Variants in ABLIM2 observed in about 807,000 individuals in gnomAD.
ABLIM2 encodes the protein actin-binding LIM protein 2.
Under a neutral mutation model 97.7 loss-of-function variants are expected in ABLIM2, and 53 were observed. That is an observed-to-expected ratio of 0.54 (90% CI 0.44 to 0.68). The LOEUF is 0.68. ABLIM2 is among the 30% of genes least tolerant of loss of function. The pLI is 0.00. For synonymous variants in ABLIM2, 361 were observed against 345.8 expected (o/e 1.04, Z -0.49); for missense variants, 835 against 867.2 (o/e 0.96, Z 0.47).
chr4:8,045,318 AC>A, intron 8 of ABLIM2, 77 bp from the exon 9 acceptor site: 1 of 1,319,570 alleles, frequency 7.6e-7, no homozygotes, highest in Non-Finnish European at 1.1e-6. Context: ...CAGGAGTTCC[AC>A]TCCAGCAGCC....
rs576149966 is a variant in ABLIM2 at position 8,155,178 on chromosome 4, G to C, written c.10+3502C>G. On this transcript the variant is annotated intron_variant, in intron 1 of 20. Coordinates refer to ENST00000447017, the MANE Select transcript of ABLIM2 (RefSeq NM_001130083.2). The surrounding 1 kb of genome is among the most constrained non-coding windows in gnomAD (Gnocchi z 4.2). Reference sequence around the variant, plus strand: ...TCTTTGCTGAATAACGAGTGAGTGAGATGGAACAGATGGCTCATATTCCAT... The same window carrying C: ...TCTTTGCTGAATAACGAGTGAGTGACATGGAACAGATGGCTCATATTCCAT... Among the ~76,000 whole-genome samples, 6 of 152,354 alleles carry C rather than the reference G, an allele frequency of 3.9e-5. No homozygotes were observed. In the East Asian group the frequency reaches 1.2e-3, roughly 29 times the overall value.
Position 8,120,759 on chromosome 4 carries a change from T to A in ABLIM2, c.11-14122A>T, listed in dbSNP as rs1845048942. ...GCTCGTGACATCACTAAGTTGAGAC[T>A]TCACTGACTTCACCTAACCTAGCGA... On this transcript the variant is annotated intron_variant, in intron 1 of 20. Transcript: ENST00000447017. This position sits in a 1 kb window ranked among gnomAD's most constrained non-coding sequence, Gnocchi z 5.6. Among the ~76,000 whole-genome samples the A allele has an allele frequency of 6.6e-6, 1 of 152,160 alleles. No individual in the cohort carries two copies. The highest frequency in any genetic ancestry group is 1.5e-5 in the Non-Finnish European group (1 of 68,028).
At position 7,967,088 on chromosome 4, in the gene ABLIM2, C is replaced by T. The variant is rs370274798; in HGVS notation, c.1840G>A (p.Glu614Lys). 4.2e-5 allele frequency: 67 copies of T among 1,613,638 alleles called. No individual in the cohort carries two copies. Among genetic ancestry groups the T allele is most frequent in the East Asian group, 2.2e-4 (10 of 44,864 alleles). Residue 614 changes from glutamate (E) to lysine (K), a missense_variant, in exon 21 of 21, where the codon GAG (glutamate) becomes AAG (lysine). Coordinates refer to ENST00000447017, the MANE Select transcript of ABLIM2 (RefSeq NM_001130083.2). ...RTRLERHLSP[E>K]EFQEVFGMSI... The stretch of plus-strand genomic sequence containing the variant: ...ATCCCAAACACTTCCTGGAACTCCT[C>T]GGGCGACAAGTGTCTCTTCAAACAA...
At chr4:8,008,717 G>C (rs1001751895) in intron 15 of ABLIM2, among the ~76,000 whole-genome samples, 1 of 152,212 alleles carries the variant, frequency 6.6e-6, no homozygotes, top group Admixed American at 6.5e-5. Flanking sequence ...TTACTCTCTG[G>C]CCCTTTATGA....
At chr4:7,988,526 T>G (rs1746214531) in intron 17 of ABLIM2, among the ~76,000 whole-genome samples, 1 of 152,260 alleles carries the variant, frequency 6.6e-6, no homozygotes, top group Non-Finnish European at 1.5e-5. Context: ...CTGAAATTGC[T>G]AATAGGAATT....
At chr4:7,989,003 ATTGT>A (rs1207481480) in intron 17 of ABLIM2, among the ~76,000 whole-genome samples, 1 of 145,940 alleles carries the variant, frequency 6.9e-6, no homozygotes, top group Non-Finnish European at 1.5e-5. Flanking sequence ...TACCTATTTG[ATTGT>A]TTGCTATTTG....
chr4:7,967,037 C>T lies in ABLIM2; in HGVS notation c.1891G>A (p.Ala631Thr), dbSNP rs778504511. The change falls in exon 21 of 21, where the codon GCC becomes ACC. Residue 631 changes from alanine (A) to threonine (T), a missense_variant. Transcript: ENST00000447017. Reference sequence around the variant, plus strand: ...TTAAGGTCATTCCTCTTCCAGAGGGCCAGGCGGTCAAACTCCTCGATGCTC... The same window carrying T: ...TTAAGGTCATTCCTCTTCCAGAGGGTCAGGCGGTCAAACTCCTCGATGCTC... ...GMSIEEFDRL[A>T]LWKRNDLKKK... The T allele has an allele frequency of 6.2e-7, 1 of 1,613,906 alleles. No homozygotes were observed. Among genetic ancestry groups the T allele is most frequent in the Non-Finnish European group, 8.5e-7 (1 of 1,179,974 alleles).
chr4:7,966,946 G>A lies in ABLIM2; in HGVS notation c.*44C>T. The A allele has an allele frequency of 7.4e-7, 1 of 1,354,704 alleles. No homozygotes were observed. The highest frequency in any genetic ancestry group is 1.9e-5 in the Admixed American group (1 of 52,466). The allele number at this position is 1,354,704 out of a possible 1,614,324, so 83.9% of individuals were successfully genotyped here. On this transcript the variant is annotated 3_prime_UTR_variant, in exon 21 of 21. Transcript: ENST00000447017. ...TGTGCGGTTCTCGCCAGGGGCCCCT[G>A]GCCTCGGCGCCCGGCACACACCAGT...
At chr4:8,145,737 C>T (rs1392619356) in intron 1 of ABLIM2, among the ~76,000 whole-genome samples, 3 of 123,598 alleles carry the variant, frequency 2.4e-5, no homozygotes, top group African/African-American at 9.4e-5. Context: ...CCCCAGACTA[C>T]ACACTCATAC....
intron 12 of ABLIM2, among the ~76,000 whole-genome samples, chr4:8,025,673 T>C (rs1776855201): frequency 6.6e-6 from 1 of 152,108 alleles, no homozygotes; most frequent in Admixed American, 6.5e-5. Flanking sequence ...GCTCTGGCTC[T>C]AGGACCCACA....
rs77716016 is a variant in ABLIM2 at position 8,058,966 on chromosome 4, G to C, written c.763+2001C>G. Among the ~76,000 whole-genome samples the C allele has an allele frequency of 0.012, 1,764 of 152,142 alleles. 44 individuals are homozygous for C. The highest frequency in any genetic ancestry group is 0.056 in the East Asian group (290 of 5,146). On this transcript the variant is annotated intron_variant, in intron 7 of 20. Transcript: ENST00000447017. This position sits in a 1 kb window ranked among gnomAD's most constrained non-coding sequence, Gnocchi z 4.2. The stretch of plus-strand genomic sequence containing the variant: ...TACCTCGAGCGACTTTCCACCTGCT[G>C]CCCCAACCCTGCTCATTGGCTGCAA...
Position 8,072,155 on chromosome 4 carries a change from A to T in ABLIM2, c.675+5473T>A. ...CAGGAGGCCCTTTCTCCTCCACAGC[A>T]GAGGAGGAGGAAAAAACCCAGACCT... On this transcript the variant is annotated intron_variant, in intron 6 of 20. Coordinates refer to ENST00000447017, the MANE Select transcript of ABLIM2 (RefSeq NM_001130083.2). The surrounding 1 kb of genome is among the most constrained non-coding windows in gnomAD (Gnocchi z 5.8). 2.6e-6 allele frequency: 2 copies of T among 766,670 alleles called. No homozygotes were observed. Among genetic ancestry groups the T allele is most frequent in the Non-Finnish European group, 3.2e-6 (2 of 630,074 alleles). The allele number at this position is 766,670 out of a possible 1,614,324, so 47.5% of individuals were successfully genotyped here.
intron 1 of ABLIM2, among the ~76,000 whole-genome samples, chr4:8,145,135 C>G (rs1851582018): frequency 6.6e-6 from 1 of 152,146 alleles, no homozygotes; most frequent in Non-Finnish European, 1.5e-5. Context: ...CAATCTACAG[C>G]CTCGCTCCTG....
intron 7 of ABLIM2, among the ~76,000 whole-genome samples, chr4:8,059,814 G>A (rs989765281): frequency 1.3e-4 from 20 of 151,650 alleles, no homozygotes; most frequent in Admixed American, 1.3e-3. Context: ...GCTGAGGCAG[G>A]AGAATTGCTT....
At chr4:8,057,098 CTT>C (rs11333108) in intron 7 of ABLIM2, among the ~76,000 whole-genome samples, 3,155 of 130,024 alleles carry the variant, frequency 0.024, 61 homozygotes, top group Admixed American at 0.068. Flanking sequence ...TTCTTTCTTT[CTT>C]TTTTTTTTTT....
intron 3 of ABLIM2, among the ~76,000 whole-genome samples, chr4:8,091,541 TATAA>T (rs1561330914): frequency 3.5e-5 from 1 of 28,600 alleles, no homozygotes; most frequent in East Asian, 9.9e-4. Flanking sequence ...TAAAATTATA[TATAA>T]TATTTATAAT....
rs1186425081 is a variant in ABLIM2 at position 8,130,885 on chromosome 4, C to G, written c.11-24248G>C. ...TGCCTTGCCTGGCTGCTGGGGCGGCCTGCATTTCCTGACTTGTGGACGGCA... is the reference window on the plus strand; with the variant it reads ...TGCCTTGCCTGGCTGCTGGGGCGGCGTGCATTTCCTGACTTGTGGACGGCA... On this transcript the variant is annotated intron_variant, in intron 1 of 20. Coordinates refer to ENST00000447017, the MANE Select transcript of ABLIM2 (RefSeq NM_001130083.2). This position sits in a 1 kb window ranked among gnomAD's most constrained non-coding sequence, Gnocchi z 4.2. Among the ~76,000 whole-genome samples the G allele has an allele frequency of 6.6e-6, 1 of 152,198 alleles. No homozygotes were observed. The highest frequency in any genetic ancestry group is 1.5e-5 in the Non-Finnish European group (1 of 68,016).
intron 12 of ABLIM2, among the ~76,000 whole-genome samples, chr4:8,025,714 G>A (rs1016898865): frequency 2.0e-5 from 3 of 152,204 alleles, no homozygotes; most frequent in Admixed American, 6.5e-5. Flanking sequence ...CCTGGGGAGC[G>A]GGGTGAGCCT....
At position 8,149,838 on chromosome 4, in the gene ABLIM2, G is replaced by A. The variant is rs1052403669; in HGVS notation, c.10+8842C>T. Among the ~76,000 whole-genome samples, 4 of 152,006 alleles carry A rather than the reference G, an allele frequency of 2.6e-5. No homozygotes were observed. The highest frequency in any genetic ancestry group is 2.6e-4 in the Admixed American group (4 of 15,264). On this transcript the variant is annotated intron_variant, in intron 1 of 20. Transcript: ENST00000447017. The surrounding 1 kb of genome is among the most constrained non-coding windows in gnomAD (Gnocchi z 6.4). ...ACTGGCCCTGCGCCCAGACAGGACG[G>A]GGCCTATGGAGTAAGACCCCACACA... is the stretch of plus-strand genomic sequence containing the variant.
Sources: allele counts gnomAD v4.1 joint callset (sites outside exome capture counted in the v4.1 genomes callset), GRCh38; gene constraint gnomAD v4.1.1; non-coding constraint Gnocchi (gnomAD v3.1); transcripts MANE v1.5; gene names NCBI Gene and HGNC (gene_info 2026-07-23, HGNC 2026-07-21).